The following XIRP2 variants were observed in gnomAD, a reference collection of about 807,000 sequenced individuals.
XIRP2 encodes the protein xin actin-binding repeat-containing protein 2.
In XIRP2, 236 loss-of-function variants were observed where a neutral mutation model predicts 277.0. The observed-to-expected ratio is 0.85, with a 90% CI of 0.77 to 0.95. The LOEUF is 0.95. Ranked by LOEUF, XIRP2 falls within the 40% of genes least tolerant of loss-of-function variation. XIRP2 has a pLI of 0.00. For missense variants in XIRP2, 4,640 were observed against 4,157.5 expected, an observed-to-expected ratio of 1.12 and a Z score of -3.19; for synonymous variants, 1,490 against 1,416.5, an observed-to-expected ratio of 1.05 and a Z score of -1.17.
At position 167,258,527 on chromosome 2, in the gene XIRP2, A is replaced by G. The variant is rs773579401; in HGVS notation, c.*710A>G. 2 of 1,613,152 alleles carry G rather than the reference A, an allele frequency of 1.2e-6. No individual in the cohort carries two copies. The highest frequency in any genetic ancestry group is 1.1e-5 in the South Asian group (1 of 91,054). On this transcript the variant is annotated 3_prime_UTR_variant, in exon 11 of 11. Coordinates refer to ENST00000409195, the MANE Select transcript of XIRP2 (RefSeq NM_152381.6). ...GAAAAGTGCTATGGATCTTAATGAC[A>G]ACAATAATGTGATTGTGCAGAGTGC...
At chr2:167,161,281 C>A (rs998491267) in intron 3 of XIRP2, among the ~76,000 whole-genome samples, 8 of 152,244 alleles carry the variant, frequency 5.3e-5, no homozygotes, top group African/African-American at 1.7e-4. Flanking sequence ...CTTCTTCTCA[C>A]AACTCCACTA....
At chr2:167,012,595 A>G (rs946156862) in intron 2 of XIRP2, among the ~76,000 whole-genome samples, 5 of 151,772 alleles carry the variant, frequency 3.3e-5, no homozygotes, top group East Asian at 1.9e-4. Flanking sequence ...TCATTATGAC[A>G]TAGTAGGCCA....
chr2:167,105,469 G>A (rs576662641), intron 2 of XIRP2, among the ~76,000 whole-genome samples: 15 of 152,018 alleles, frequency 9.9e-5, no homozygotes, highest in South Asian at 8.3e-4. Flanking sequence ...AAGTGGTTGA[G>A]TATATGTACA....
intron 10 of XIRP2, among the ~76,000 whole-genome samples, chr2:167,256,849 A>G (rs1695670849): frequency 6.6e-6 from 1 of 151,658 alleles, no homozygotes; most frequent in South Asian, 2.1e-4. Flanking sequence ...TCTTCTCCAT[A>G]TTTTTCAGAA....
chr2:167,201,321 G>A (rs1443509912), intron 3 of XIRP2, among the ~76,000 whole-genome samples: 1 of 65,550 alleles, frequency 1.5e-5, no homozygotes, highest in African/African-American at 1.2e-4. Flanking sequence ...AGGAAAGAAC[G>A]AAGGAAGGAA....
At chr2:167,099,172 G>A (rs1032471415) in intron 2 of XIRP2, among the ~76,000 whole-genome samples, 1 of 152,110 alleles carries the variant, frequency 6.6e-6, no homozygotes, top group African/African-American at 2.4e-5. Flanking sequence ...TCCTGACTGG[G>A]GCTGCTGCCT....
At chr2:166,973,870 A>C (rs1162143615) in intron 2 of XIRP2, among the ~76,000 whole-genome samples, 1 of 152,158 alleles carries the variant, frequency 6.6e-6, no homozygotes, top group Non-Finnish European at 1.5e-5. Flanking sequence ...TTTTCCATTA[A>C]GTTTTGGATA....
At chr2:167,232,943 C>T (rs1229078181) in intron 5 of XIRP2, among the ~76,000 whole-genome samples, 1 of 151,872 alleles carries the variant, frequency 6.6e-6, no homozygotes, top group Admixed American at 6.6e-5. Context: ...ATGTGTATGA[C>T]ATTATTTTGC....
chr2:167,085,142 G>A (rs971452492), intron 2 of XIRP2, among the ~76,000 whole-genome samples: 2 of 150,270 alleles, frequency 1.3e-5, no homozygotes, highest in African/African-American at 2.4e-5. Context: ...GGTATGTTGT[G>A]TCTTTGGTCT....
intron 7 of XIRP2, 125 bp downstream of exon 7, chr2:167,240,861 C>A: frequency 6.4e-6 from 5 of 784,814 alleles, no homozygotes; most frequent in Non-Finnish European, 8.6e-6. Context: ...ACTCATGGTT[C>A]CAGGGAGAGC....
At chr2:166,973,355 T>C (rs1013564781) in intron 2 of XIRP2, among the ~76,000 whole-genome samples, 3 of 152,228 alleles carry the variant, frequency 2.0e-5, no homozygotes, top group African/African-American at 4.8e-5. Flanking sequence ...GCTTCTGTCA[T>C]TATCTTTTAA....
At chr2:167,025,524 C>G (rs1253026587) in intron 2 of XIRP2, among the ~76,000 whole-genome samples, 1 of 151,566 alleles carries the variant, frequency 6.6e-6, no homozygotes, top group African/African-American at 2.4e-5. Context: ...TCTTGCTTTT[C>G]TAGTTCTTTT....
chr2:166,907,356 G>A (rs886710102), intron 2 of XIRP2, among the ~76,000 whole-genome samples: 5 of 152,150 alleles, frequency 3.3e-5, no homozygotes, highest in Non-Finnish European at 7.4e-5. Flanking sequence ...TATGTAATTT[G>A]TCAATAGCAT....
chr2:167,083,939 T>C (rs1244643261), intron 2 of XIRP2, among the ~76,000 whole-genome samples: 6 of 151,310 alleles, frequency 4.0e-5, no homozygotes, highest in African/African-American at 9.7e-5. Flanking sequence ...TATTTCCTTC[T>C]CCTGCCTAAT....
Position 167,244,344 on chromosome 2 carries a change from G to C in XIRP2, c.2952G>C (p.Glu984Asp), listed in dbSNP as rs1276938404. Residue 984 changes from glutamate to aspartate, a missense_variant, in exon 9 of 11, where the codon GAG becomes GAC. Physicochemically the swap from Glu to Asp is conservative, Grantham distance 45. Transcript: ENST00000409195. ...TAGAGTTAAATAAATCTCTCTTCGAGACAACACCACTGTATGCCATTCAAG... is the reference window on the plus strand; with the variant it reads ...TAGAGTTAAATAAATCTCTCTTCGACACAACACCACTGTATGCCATTCAAG... ...GAVELNKSLF[E>D]TTPLYAIQDP... The C allele has an allele frequency of 1.2e-6, 2 of 1,613,690 alleles. No individual in the cohort carries two copies. The highest frequency in any genetic ancestry group is 3.3e-5 in the Admixed American group (2 of 59,974).
intron 2 of XIRP2, among the ~76,000 whole-genome samples, chr2:166,962,921 GAA>G (rs1315573646): frequency 6.6e-6 from 1 of 151,642 alleles, no homozygotes. Context: ...TTGTAAGACA[GAA>G]GGAATAAGTT....
At chr2:166,940,807 G>A (rs1244250549) in intron 2 of XIRP2, among the ~76,000 whole-genome samples, 1 of 152,130 alleles carries the variant, frequency 6.6e-6, no homozygotes, top group African/African-American at 2.4e-5. Flanking sequence ...TCCTCTAGAA[G>A]CTTCATCTCA....
At chr2:167,162,253 T>C (rs112608820) in intron 3 of XIRP2, among the ~76,000 whole-genome samples, 15,048 of 152,262 alleles carry the variant, frequency 0.099, 797 homozygotes, top group South Asian at 0.15. Flanking sequence ...TCCAAAGTTG[T>C]TTCCACACTT....
At chr2:166,972,621 T>C (rs1203162069) in intron 2 of XIRP2, among the ~76,000 whole-genome samples, 2 of 152,122 alleles carry the variant, frequency 1.3e-5, no homozygotes, top group Non-Finnish European at 2.9e-5. Context: ...CAAACACAGA[T>C]AGTAGTAAAA....
Sources: allele counts gnomAD v4.1 joint callset (sites outside exome capture counted in the v4.1 genomes callset), GRCh38; gene constraint gnomAD v4.1.1; transcripts MANE v1.5; gene names NCBI Gene and HGNC (gene_info 2026-07-23, HGNC 2026-07-21).